The following NAA60 variants were observed in gnomAD, a reference collection of about 807,000 sequenced individuals.
NAA60 encodes the protein N-alpha-acetyltransferase 60, NatF catalytic subunit, also known as N-alpha-acetyltransferase 60.
In NAA60, 8 loss-of-function variants were observed where a neutral mutation model predicts 26.1. That is an observed-to-expected ratio of 0.31 (90% CI 0.18 to 0.55). The LOEUF (loss-of-function observed/expected upper bound fraction) is 0.55, where lower values mean the gene tolerates loss of function less well. Among genes scored for constraint, NAA60 ranks in the 20% least tolerant of loss-of-function variants. The pLI is 0.93. For missense variants in NAA60, 290 were observed against 311.3 expected (o/e 0.93, Z 0.51); for synonymous variants, 131 against 122.5 (o/e 1.07, Z -0.46).
intron 6 of NAA60, 141 bp downstream of exon 6, chr16:3,483,738 C>T (rs17255757): frequency 1.9e-5 from 13 of 673,068 alleles, no homozygotes; most frequent in South Asian, 3.6e-5. Flanking sequence ...CTTACCTGAT[C>T]GTGTTGTGGG....
intron 2 of NAA60, among the ~76,000 whole-genome samples, chr16:3,451,838 A>T (rs1459254926): frequency 6.6e-6 from 1 of 152,030 alleles, no homozygotes; most frequent in Admixed American, 6.6e-5. Flanking sequence ...GAATCACTTG[A>T]GCCCAGGAGG....
chr16:3,447,246 A>T (rs2150942306), intron 1 of NAA60, among the ~76,000 whole-genome samples: 1 of 152,368 alleles, frequency 6.6e-6, no homozygotes, highest in Non-Finnish European at 1.5e-5. Context: ...GTTATGAAAC[A>T]AAAACAATAA....
At chr16:3,476,136 T>A in intron 2 of NAA60, 86 bp from the exon 3 acceptor site, 1 of 1,000,234 alleles carries the variant, frequency 1.0e-6, no homozygotes, top group Non-Finnish European at 1.5e-6. Flanking sequence ...ACATGCTCCG[T>A]GCTCTTCTGT....
chr16:3,447,694 G>T, intron 1 of NAA60: 1 of 945,854 alleles, frequency 1.1e-6, no homozygotes, highest in Non-Finnish European at 1.3e-6. Context: ...TGATTGAGCA[G>T]TTAGAAAACT....
At chr16:3,476,388 A>T in intron 3 of NAA60, 51 bp downstream of exon 3, 1 of 1,508,028 alleles carries the variant, frequency 6.6e-7, no homozygotes, top group Non-Finnish European at 9.1e-7. Flanking sequence ...CCTCAGGTGC[A>T]GAAGCTGGGC....
chr16:3,444,401 A>G (rs1314086252), intron 1 of NAA60, among the ~76,000 whole-genome samples: 1 of 152,210 alleles, frequency 6.6e-6, no homozygotes, highest in Non-Finnish European at 1.5e-5. Context: ...TTCAAAGATT[A>G]TAAGATAATG....
Position 3,483,485 on chromosome 16 carries a change from G to A in NAA60, c.460G>A (p.Asp154Asn). 6.2e-7 allele frequency: 1 copy of A among 1,613,938 alleles called. No homozygotes were observed. The change falls in exon 6 of 8, where the codon GAC becomes AAC. Residue 154 changes from aspartate (D) to asparagine (N), a missense_variant. Asp to Asn is a conservative substitution (Grantham distance 23). Coordinates refer to ENST00000407558, the MANE Select transcript of NAA60 (RefSeq NM_001083601.3). ...AGCAATAAACTTCTATGAAAACAGA[G>A]ACTTCAAGCAGCACCACTATCTCCC... ...NTAINFYENR[D>N]FKQHHYLPYY...
intron 2 of NAA60, among the ~76,000 whole-genome samples, chr16:3,471,959 C>G (rs544127462): frequency 1.3e-5 from 2 of 152,256 alleles, no homozygotes; most frequent in Admixed American, 1.3e-4. Flanking sequence ...GTGGCTTTGT[C>G]CCAGAGTTTC....
At chr16:3,471,811 G>A (rs894652478) in intron 2 of NAA60, among the ~76,000 whole-genome samples, 1 of 152,174 alleles carries the variant, frequency 6.6e-6, no homozygotes, top group African/African-American at 2.4e-5. Flanking sequence ...AGGGTGGCCA[G>A]GTGGGCAGCC....
At chr16:3,464,176 G>A (rs1185233598) in intron 2 of NAA60, among the ~76,000 whole-genome samples, 1 of 152,192 alleles carries the variant, frequency 6.6e-6, no homozygotes. Flanking sequence ...TGGGATTACA[G>A]CCACCATGCC....
chr16:3,447,588 C>G, intron 1 of NAA60: 1 of 985,408 alleles, frequency 1.0e-6, no homozygotes, highest in Non-Finnish European at 1.2e-6. Flanking sequence ...GAAACTGACA[C>G]AGAGCCTTCT....
At position 3,476,198 on chromosome 16, in the gene NAA60, C is replaced by T. The variant is rs377246266; in HGVS notation, c.-6-24C>T. The stretch of plus-strand genomic sequence containing the variant: ...AGGAAGACCAGGCTGTGAGGTGACG[C>T]GTCCCCCCCACCCTTCCCCACAGGT... On this transcript the variant is annotated intron_variant, in intron 2 of 7. Transcript: ENST00000407558. 6.4e-5 allele frequency: 99 copies of T among 1,542,422 alleles called. 1 individual carries two copies. Among genetic ancestry groups the T allele is most frequent in the Non-Finnish European group, 7.5e-5 (84 of 1,124,992 alleles).
At chr16:3,478,319 C>T (rs751607368) in intron 3 of NAA60, among the ~76,000 whole-genome samples, 14 of 152,244 alleles carry the variant, frequency 9.2e-5, no homozygotes, top group South Asian at 2.1e-4. Flanking sequence ...GCAGTGAGTG[C>T]ATAGATCAGA....
intron 3 of NAA60, among the ~76,000 whole-genome samples, chr16:3,477,248 C>G (rs1044407766): frequency 9.2e-5 from 14 of 152,110 alleles, no homozygotes; most frequent in African/African-American, 3.4e-4. Flanking sequence ...ATATTAGGCC[C>G]TATGATTGTT....
Position 3,476,320 on chromosome 16 carries a change from C to T in NAA60, c.93C>T (p.Gly31=), listed in dbSNP as rs1474543000. ...TAGACACTGTGAAGCACCTGTGTGG[C>T]GACTGGTTCCCCATCGAGTAAGTGG... ...DDIDTVKHLC[G]DWFPIEYPDS... Residue 31 remains glycine, a synonymous_variant, in exon 3 of 8, where the codon GGC becomes GGT. Transcript: ENST00000407558. The T allele has an allele frequency of 8.1e-6, 13 of 1,613,510 alleles. No homozygotes were observed. The highest frequency in any genetic ancestry group is 1.7e-5 in the Admixed American group (1 of 59,972).
rs1382156901 is a variant in NAA60 at position 3,476,288 on chromosome 16, G to A, written c.61G>A (p.Asp21Asn). 4 of 1,592,620 alleles carry A rather than the reference G, an allele frequency of 2.5e-6. No individual in the cohort carries two copies. The highest frequency in any genetic ancestry group is 1.4e-5 in the African/African-American group (1 of 74,032). The change falls in exon 3 of 8, where the codon GAT becomes AAT. Residue 21 changes from aspartate to asparagine, a missense_variant. Physicochemically the swap from Asp to Asn is conservative, Grantham distance 23. Transcript: ENST00000407558. ...GGTCAGCCTGCGCCTCCTCTGCCAC[G>A]ATGACATAGACACTGTGAAGCACCT... ...SEVSLRLLCH[D>N]DIDTVKHLCG... is the part of the protein sequence containing the mutation.
At chr16:3,469,242 C>T (rs928585705) in intron 2 of NAA60, among the ~76,000 whole-genome samples, 2 of 135,860 alleles carry the variant, frequency 1.5e-5, no homozygotes, top group African/African-American at 5.5e-5. Context: ...CCAGCACTGC[C>T]CTGGTACCCA....
At chr16:3,485,355 C>G (rs1018329021) in intron 7 of NAA60, 112 bp from the exon 8 acceptor site, 4 of 478,854 alleles carry the variant, frequency 8.4e-6, no homozygotes, top group Non-Finnish European at 1.6e-5. Context: ...TGGAGAAGGG[C>G]TCATGCTCCT....
intron 2 of NAA60, among the ~76,000 whole-genome samples, chr16:3,459,931 TG>T (rs1473341672): frequency 3.3e-5 from 5 of 152,224 alleles, no homozygotes; most frequent in Admixed American, 1.3e-4. Context: ...AGAAAGTTCC[TG>T]GATGTGAGGA....
Sources: gnomAD v4.1 joint callset for allele counts (sites outside exome capture counted in the v4.1 genomes callset) on GRCh38, gnomAD v4.1.1 for gene constraint, MANE v1.5 for transcripts, NCBI Gene and HGNC (gene_info 2026-07-23, HGNC 2026-07-21) for gene names.